The following TRMT11 variants were observed in gnomAD, a reference collection of about 807,000 sequenced individuals.
TRMT11 encodes tRNA (guanine(10)-N(2))-methyltransferase TRMT11.
Under a neutral mutation model 62.8 loss-of-function variants are expected in TRMT11, and 53 were observed. The ratio of observed to expected loss-of-function variants is 0.84; its 90% CI spans 0.68 to 1.06. The LOEUF (loss-of-function observed/expected upper bound fraction) is 1.06. Among genes scored for constraint, TRMT11 ranks in the 50% least tolerant of loss-of-function variants. TRMT11 has a pLI of 0.00. For synonymous variants in TRMT11, 188 were observed against 190.3 expected (o/e 0.99, Z 0.10); for missense variants, 556 against 553.4 (o/e 1.00, Z -0.05).
chr6:126,037,907 A>C (rs1775480539), intron 12 of TRMT11, among the ~76,000 whole-genome samples: 1 of 152,104 alleles, frequency 6.6e-6, no homozygotes, highest in Non-Finnish European at 1.5e-5. Flanking sequence ...ACCTGTCCTC[A>C]AAAATCACAT....
In TRMT11 at chr6:126,045,643, C is replaced by T. The variant is rs546765264; in HGVS notation, c.*1369+4798C>T. On this transcript the variant is annotated intron_variant and NMD_transcript_variant, in intron 16 of 22. Coordinates refer to the TRMT11 transcript ENST00000648977. ...TTCTGGGCGTTTGGAGAGGTGTTTC[C>T]TCACCAGTTTGCCAGTTAGCTTCAA... Among the ~76,000 whole-genome samples, 7 of 152,254 alleles carry T rather than the reference C, an allele frequency of 4.6e-5. No homozygotes were observed. The South Asian group carries it at 1.5e-3, about 32-fold the overall frequency.
At chr6:126,156,586 A>G (rs541903174) in intron 21 of TRMT11, among the ~76,000 whole-genome samples, 2 of 152,338 alleles carry the variant, frequency 1.3e-5, no homozygotes, top group South Asian at 4.2e-4. Flanking sequence ...GGTCATTTAT[A>G]AAGAAAAGAA....
At chr6:126,016,925 C>T (rs572598232) in intron 11 of TRMT11, among the ~76,000 whole-genome samples, 1 of 152,124 alleles carries the variant, frequency 6.6e-6, no homozygotes, top group East Asian at 1.9e-4. Context: ...CTAAATTTGT[C>T]TTGAGTTTAT....
the TRMT11 span, among the ~76,000 whole-genome samples, chr6:126,260,330 C>A: frequency 1.3e-5 from 2 of 152,092 alleles, no homozygotes; most frequent in African/African-American, 4.8e-5. Flanking sequence ...GGACATTTTC[C>A]TCCTTTCAAT....
upstream of TRMT11, among the ~76,000 whole-genome samples, chr6:126,173,015 C>G (rs549384251): frequency 6.6e-6 from 1 of 152,206 alleles, no homozygotes; most frequent in South Asian, 2.1e-4. Flanking sequence ...GTCATGAGGC[C>G]TCGCAATGCC....
chr6:126,266,549 A>G, the TRMT11 span, among the ~76,000 whole-genome samples: 1 of 152,098 alleles, frequency 6.6e-6, no homozygotes, highest in Non-Finnish European at 1.5e-5. Context: ...TTTAGGTGTT[A>G]ATCTCTTAAT....
intron 9 of TRMT11, among the ~76,000 whole-genome samples, chr6:126,012,252 T>C (rs777925847): frequency 5.9e-5 from 9 of 152,234 alleles, no homozygotes; most frequent in Non-Finnish European, 1.2e-4. Flanking sequence ...TGTTTACTTA[T>C]ATAAAATACA....
chr6:126,121,555 G>T (rs1003967068), intron 21 of TRMT11, among the ~76,000 whole-genome samples: 1 of 152,030 alleles, frequency 6.6e-6, no homozygotes, highest in South Asian at 2.1e-4. Context: ...GAAATTTTGG[G>T]TTAATGTTCT....
intron 17 of TRMT11, among the ~76,000 whole-genome samples, chr6:126,103,302 G>T (rs1777423997): frequency 6.6e-6 from 1 of 152,158 alleles, no homozygotes; most frequent in African/African-American, 2.4e-5. Flanking sequence ...TGTGTCTAAA[G>T]GATTAAAAGT....
At chr6:125,986,687 G>A in intron 1 of TRMT11, 65 bp downstream of exon 1, 1 of 1,456,262 alleles carries the variant, frequency 6.9e-7, no homozygotes, top group Non-Finnish European at 9.4e-7. Context: ...TGGAGTGGGT[G>A]GAGGTGATCT....
intron 21 of TRMT11, among the ~76,000 whole-genome samples, chr6:126,123,984 T>C (rs1777680020): frequency 6.6e-6 from 1 of 152,024 alleles, no homozygotes; most frequent in South Asian, 2.1e-4. Context: ...AGAGATGATT[T>C]ACTTAGTTTA....
chr6:126,017,581 CATT>C (rs1562270174), intron 11 of TRMT11, among the ~76,000 whole-genome samples: 1 of 152,142 alleles, frequency 6.6e-6, no homozygotes, highest in African/African-American at 2.4e-5. Flanking sequence ...ATTCTGTCCC[CATT>C]GTTTGAGATG....
At chr6:126,073,720 T>C (rs1776927514) in intron 17 of TRMT11, among the ~76,000 whole-genome samples, 1 of 152,136 alleles carries the variant, frequency 6.6e-6, no homozygotes, top group African/African-American at 2.4e-5. Context: ...CTTAAAAGTA[T>C]GTTATATTAT....
chr6:126,093,859 A>G (rs1205360798), intron 17 of TRMT11, among the ~76,000 whole-genome samples: 1 of 151,744 alleles, frequency 6.6e-6, no homozygotes, highest in Non-Finnish European at 1.5e-5. Flanking sequence ...TATAAAAATA[A>G]ATTCCATTTC....
intron 17 of TRMT11, among the ~76,000 whole-genome samples, chr6:126,082,956 A>C (rs1482657565): frequency 6.6e-6 from 1 of 152,168 alleles, no homozygotes; most frequent in African/African-American, 2.4e-5. Flanking sequence ...TTTGCAAACC[A>C]CATATCTCAT....
the TRMT11 span, among the ~76,000 whole-genome samples, chr6:126,242,665 C>G: frequency 1.1e-4 from 17 of 152,204 alleles, no homozygotes; most frequent in African/African-American, 2.4e-4. Context: ...AGAAACCTGA[C>G]AAAAACAAGA....
chr6:126,153,932 A>G (rs1385480472), intron 21 of TRMT11, among the ~76,000 whole-genome samples: 1 of 152,164 alleles, frequency 6.6e-6, no homozygotes, highest in East Asian at 1.9e-4. Context: ...TGACATACCC[A>G]GGCTGGGCTA....
upstream of TRMT11, among the ~76,000 whole-genome samples, chr6:126,175,622 G>A (rs1207944898): frequency 3.9e-5 from 6 of 152,078 alleles, no homozygotes; most frequent in Admixed American, 1.3e-4. Context: ...CTAGCTTCCC[G>A]GCTGACTTCT....
intron 7 of TRMT11, among the ~76,000 whole-genome samples, chr6:126,003,904 G>C (rs1792931043): frequency 6.6e-6 from 1 of 151,850 alleles, no homozygotes; most frequent in Admixed American, 6.6e-5. Flanking sequence ...AAGTTATAGA[G>C]GAATTCATTT....
Sources: gnomAD v4.1 joint callset for allele counts (sites outside exome capture counted in the v4.1 genomes callset) on GRCh38, gnomAD v4.1.1 for gene constraint, MANE v1.5 for transcripts, NCBI Gene and HGNC (gene_info 2026-07-23, HGNC 2026-07-21) for gene names.